Variants in SEPTIN9 observed in about 807,000 individuals in gnomAD.
SEPTIN9 encodes the protein septin-9.
SEPTIN9 carries 13 observed loss-of-function variants against 56.6 expected under a neutral mutation model. The observed-to-expected ratio is 0.23, with a 90% confidence interval of 0.15 to 0.37. The LOEUF is 0.37. Among genes scored for constraint, SEPTIN9 ranks in the 10% least tolerant of loss-of-function variants. The probability of loss-of-function intolerance (pLI) is 1.00; values close to 1 mark genes in which losing one functional copy is unlikely to be tolerated. For missense variants in SEPTIN9, 650 were observed against 823.1 expected, an observed-to-expected ratio of 0.79 and a Z score of 2.57; for synonymous variants, 332 against 334.1, an observed-to-expected ratio of 0.99 and a Z score of 0.07.
At chr17:77,314,953 G>A (rs1031497691) in intron 2 of SEPTIN9, among the ~76,000 whole-genome samples, 5 of 152,212 alleles carry the variant, frequency 3.3e-5, no homozygotes, top group African/African-American at 1.2e-4. Context: ...CGGCTGAACT[G>A]GACCTGGCTC....
chr17:77,309,485 C>T (rs186706229), intron 2 of SEPTIN9, among the ~76,000 whole-genome samples: 5 of 152,172 alleles, frequency 3.3e-5, no homozygotes, highest in African/African-American at 1.2e-4. Flanking sequence ...GAGTTCATTC[C>T]TAGACGCCCC....
At chr17:77,316,753 C>T (rs2032725773) in intron 2 of SEPTIN9, among the ~76,000 whole-genome samples, 1 of 151,652 alleles carries the variant, frequency 6.6e-6, no homozygotes, top group African/African-American at 2.4e-5. Context: ...TTTTACCCAG[C>T]CAGGGTGCAG....
intron 3 of SEPTIN9, among the ~76,000 whole-genome samples, chr17:77,428,197 G>A (rs2036985779): frequency 6.6e-6 from 1 of 152,222 alleles, no homozygotes. Flanking sequence ...CAGGGCCTTG[G>A]GTGGGACACT....
chr17:77,340,796 A>G (rs1598217292), intron 2 of SEPTIN9, among the ~76,000 whole-genome samples: 1 of 152,354 alleles, frequency 6.6e-6, no homozygotes, highest in Middle Eastern at 3.4e-3. Flanking sequence ...TCTTCTGGGT[A>G]ACTTGCTGCC....
At position 77,450,647 on chromosome 17, in the gene SEPTIN9, T is replaced by TC; in HGVS notation, c.722-31494dup. On this transcript the variant is annotated intron_variant, in intron 3 of 11. Coordinates refer to ENST00000427177, the MANE Select transcript of SEPTIN9 (RefSeq NM_001113491.2). This position sits in a 1 kb window ranked among gnomAD's most constrained non-coding sequence, Gnocchi z 6.0. ...ACCCCCTTGCTTGTGCCCCTCTGGGTCCCAGCACATCCCAGGCCTGCAGGG... is the reference window on the plus strand; with the variant it reads ...ACCCCCTTGCTTGTGCCCCTCTGGGTCCCCAGCACATCCCAGGCCTGCAGGG... The TC allele has an allele frequency of 2.0e-6, 2 of 985,786 alleles. No homozygotes were observed. The highest frequency in any genetic ancestry group is 2.4e-6 in the Non-Finnish European group (2 of 830,340). The allele number at this position is 985,786 out of a possible 1,614,324, so 61.1% of individuals were successfully genotyped here. A position where few individuals can be genotyped will look rare whatever the true frequency, so the allele number is the denominator to read the frequency against.
chr17:77,423,780 G>A (rs998463252), intron 3 of SEPTIN9, among the ~76,000 whole-genome samples: 3 of 152,240 alleles, frequency 2.0e-5, no homozygotes, highest in Admixed American at 1.3e-4. Flanking sequence ...GGAATGAAAG[G>A]AGAGAGTGAG....
intron 3 of SEPTIN9, among the ~76,000 whole-genome samples, chr17:77,459,836 C>G (rs948078681): frequency 6.6e-6 from 1 of 152,134 alleles, no homozygotes; most frequent in East Asian, 1.9e-4. Context: ...CCACCGCGCC[C>G]GGCTAATTTT....
At chr17:77,486,528 ACGCG>A (rs988601176) in intron 4 of SEPTIN9, among the ~76,000 whole-genome samples, 4 of 100,430 alleles carry the variant, frequency 4.0e-5, no homozygotes, top group African/African-American at 2.0e-4. Flanking sequence ...GTGTGCGCGC[ACGCG>A]CGCGCGTGTT....
At position 77,327,180 on chromosome 17, in the gene SEPTIN9, C is replaced by A. The variant is rs553326844; in HGVS notation, c.76+19983C>A. Among the ~76,000 whole-genome samples the A allele has an allele frequency of 1.3e-5, 2 of 152,094 alleles. No homozygotes were observed. Among genetic ancestry groups the A allele is most frequent in the Admixed American group, 6.5e-5 (1 of 15,282 alleles). On this transcript the variant is annotated intron_variant, in intron 2 of 11. Transcript: ENST00000427177. The surrounding 1 kb of genome is among the most constrained non-coding windows in gnomAD (Gnocchi z 5.0). ...TGGCAATGCCTCCCTCTCCTGGGCT[C>A]CTGGGACCCCTCCGGCCCCACCACC...
chr17:77,401,689 C>G (rs756561873), intron 2 of SEPTIN9, among the ~76,000 whole-genome samples: 14 of 151,736 alleles, frequency 9.2e-5, no homozygotes, highest in Admixed American at 4.6e-4. Flanking sequence ...CCGCTGCACT[C>G]CAGCCAGGGC....
At chr17:77,304,429 T>C (rs2032181544) in intron 1 of SEPTIN9, among the ~76,000 whole-genome samples, 1 of 152,196 alleles carries the variant, frequency 6.6e-6, no homozygotes, top group Non-Finnish European at 1.5e-5. Context: ...ACCCCCATGC[T>C]GGGTTTGGAG....
intron 2 of SEPTIN9, among the ~76,000 whole-genome samples, chr17:77,349,236 C>G (rs1462699698): frequency 6.6e-6 from 1 of 152,170 alleles, no homozygotes; most frequent in African/African-American, 2.4e-5. Flanking sequence ...CCTGCCTCAG[C>G]CTCCCAAGTA....
In SEPTIN9 at chr17:77,366,820, G is replaced by T. The variant is rs565238458; in HGVS notation, c.77-35239G>T. Among the ~76,000 whole-genome samples the T allele has an allele frequency of 8.9e-4, 136 of 152,352 alleles. 1 individual carries two copies. The highest frequency in any genetic ancestry group is 3.2e-3 in the African/African-American group (133 of 41,578). ...GGAGCGGGGAGCTCGGATGAGGTGG[G>T]GGTGGGGAACCGGGGAGCCATGGAG... On this transcript the variant is annotated intron_variant, in intron 2 of 11. Coordinates refer to ENST00000427177, the MANE Select transcript of SEPTIN9 (RefSeq NM_001113491.2).
chr17:77,487,561 C>T lies in SEPTIN9; in HGVS notation c.1042+9C>T. 1 of 1,612,668 alleles carries T rather than the reference C, an allele frequency of 6.2e-7. No homozygotes were observed. Among genetic ancestry groups the T allele is most frequent in the East Asian group, 2.2e-5 (1 of 44,804 alleles). ...CAAGTCCATCACGCACGGTCAGTGG[C>T]CGGGAGTGGGCTGGGGGTGCAGGAC... On this transcript the variant is annotated intron_variant, in intron 5 of 11. Coordinates refer to ENST00000427177, the MANE Select transcript of SEPTIN9 (RefSeq NM_001113491.2). This position sits in a 1 kb window ranked among gnomAD's most constrained non-coding sequence, Gnocchi z 4.3.
intron 3 of SEPTIN9, among the ~76,000 whole-genome samples, chr17:77,423,028 A>G (rs1205403249): frequency 6.6e-6 from 1 of 152,076 alleles, no homozygotes; most frequent in East Asian, 1.9e-4. Context: ...ACCCTGAGAC[A>G]ATACCTGCAT....
rs536029939 is a variant in SEPTIN9, at chr17:77,451,082, C to T, written c.722-31062C>T. The stretch of plus-strand genomic sequence containing the variant: ...CTGGCTGAGAGGAGGGGGCTCCTCA[C>T]GGGCACCGCCTCTGGCAAGCACAGG... On this transcript the variant is annotated intron_variant, in intron 3 of 11. Coordinates refer to ENST00000427177, the MANE Select transcript of SEPTIN9 (RefSeq NM_001113491.2). This position sits in a 1 kb window ranked among gnomAD's most constrained non-coding sequence, Gnocchi z 4.2. 243 of 154,954 alleles carry T rather than the reference C, an allele frequency of 1.6e-3. No individual in the cohort carries two copies. The highest frequency in any genetic ancestry group is 5.4e-3 in the African/African-American group (225 of 41,560). The allele number at this position is 154,954 out of a possible 1,614,324, so 9.6% of individuals were successfully genotyped here.
chr17:77,483,054 CTG>C (rs946488593), intron 4 of SEPTIN9: 8 of 162,244 alleles, frequency 4.9e-5, no homozygotes, highest in African/African-American at 1.7e-4. Context: ...ACTCCCAGAA[CTG>C]TGTTCTGCCC....
At chr17:77,325,211 T>C (rs1193767472) in intron 2 of SEPTIN9, among the ~76,000 whole-genome samples, 1 of 152,254 alleles carries the variant, frequency 6.6e-6, no homozygotes, top group South Asian at 2.1e-4. Context: ...CAAGAAATCA[T>C]TGCCAAATGC....
At position 77,405,059 on chromosome 17, in the gene SEPTIN9, G is replaced by C; in HGVS notation, c.721+2356G>C. 6.5e-7 allele frequency: 1 copy of C among 1,533,928 alleles called. No homozygotes were observed. Among genetic ancestry groups the C allele is most frequent in the Non-Finnish European group, 8.7e-7 (1 of 1,145,926 alleles). On this transcript the variant is annotated intron_variant, in intron 3 of 11. Coordinates refer to ENST00000427177, the MANE Select transcript of SEPTIN9 (RefSeq NM_001113491.2). The surrounding 1 kb of genome is among the most constrained non-coding windows in gnomAD (Gnocchi z 5.8). The stretch of plus-strand genomic sequence containing the variant: ...GAGTCAAACAGGATGTGGCTGGGGA[G>C]GCGGTTGTCACCGAGCCATCTAAAT...
Sources: gnomAD v4.1 joint callset for allele counts (sites outside exome capture counted in the v4.1 genomes callset) on GRCh38, gnomAD v4.1.1 for gene constraint, Gnocchi (gnomAD v3.1) non-coding constraint, MANE v1.5 for transcripts, NCBI Gene and HGNC (gene_info 2026-07-23, HGNC 2026-07-21) for gene names.